Variants in PRKDC observed in about 807,000 individuals in gnomAD.
PRKDC encodes protein kinase, DNA-activated, catalytic subunit.
In PRKDC, 82 loss-of-function variants were observed where a neutral mutation model predicts 486.9. That is an observed-to-expected ratio of 0.17 (90% CI 0.14 to 0.20). PRKDC has a LOEUF of 0.20. PRKDC is among the 10% of genes least tolerant of loss of function. The pLI is 1.00. For synonymous variants in PRKDC, 1,895 were observed against 1,837.0 expected, an observed-to-expected ratio of 1.03 and a Z score of -0.81; for missense variants, 4,504 against 5,038.2, an observed-to-expected ratio of 0.89 and a Z score of 3.21.
chr8:47,808,607 T>C (rs1347419699), intron 68 of PRKDC, among the ~76,000 whole-genome samples: 3 of 152,164 alleles, frequency 2.0e-5, no homozygotes, highest in Non-Finnish European at 4.4e-5. Flanking sequence ...CCCAAGAAGC[T>C]GAAACAATAG....
intron 42 of PRKDC, 83 bp downstream of exon 42, chr8:47,863,316 T>C: frequency 8.7e-7 from 1 of 1,145,482 alleles, no homozygotes; most frequent in Non-Finnish European, 1.2e-6. Context: ...AAAATATTTA[T>C]TCACACTATA....
chr8:47,841,999 C>T (rs530863572), intron 54 of PRKDC, among the ~76,000 whole-genome samples: 2 of 152,302 alleles, frequency 1.3e-5, no homozygotes, highest in South Asian at 2.1e-4. Context: ...AGATCCCCCA[C>T]CCTTGACCTA....
At chr8:47,905,535 T>C (rs956995412) in intron 25 of PRKDC, among the ~76,000 whole-genome samples, 1 of 152,168 alleles carries the variant, frequency 6.6e-6, no homozygotes, top group Non-Finnish European at 1.5e-5. Flanking sequence ...TCAACTATTG[T>C]ACAAAGCAAA....
At chr8:47,872,419 C>A (rs1156276709) in intron 40 of PRKDC, among the ~76,000 whole-genome samples, 1 of 150,856 alleles carries the variant, frequency 6.6e-6, no homozygotes, top group Non-Finnish European at 1.5e-5. Context: ...TGGTAGAAGT[C>A]CACACTTATC....
intron 38 of PRKDC, 28 bp downstream of exon 38, chr8:47,881,388 C>T (rs1589762523): frequency 8.0e-7 from 1 of 1,257,840 alleles, no homozygotes; most frequent in East Asian, 2.4e-5. Flanking sequence ...AGAATGTAAT[C>T]CAAAAAAATA....
At position 47,834,305 on chromosome 8, in the gene PRKDC, G is replaced by C. The variant is rs200543348; in HGVS notation, c.8043C>G (p.Ala2681=). Residue 2681 remains alanine, a synonymous_variant, in exon 59 of 86, where the codon GCC becomes GCG. Transcript: ENST00000314191. ...TCTGTAACCTTTCACTCCTCTTGTG[G>C]GCAAACAGCAAGGAGTCAGATGAGG... The part of the protein sequence containing the change: ...TSPSSDSLLF[A]HKRSERLQRA... 1 of 1,614,028 alleles carries C rather than the reference G, an allele frequency of 6.2e-7. No homozygotes were observed. Among genetic ancestry groups the C allele is most frequent in the East Asian group, 2.2e-5 (1 of 44,874 alleles).
At chr8:47,959,319 G>A (rs1207591947) in intron 1 of PRKDC, 1 of 152,280 alleles carries the variant, frequency 6.6e-6, no homozygotes, top group Middle Eastern at 3.4e-3. Flanking sequence ...TCTCAAAGTA[G>A]GAACGGCAAA....
At chr8:47,888,473 C>T (rs2089383734) in intron 34 of PRKDC, 45 bp downstream of exon 34, 19 of 1,440,324 alleles carry the variant, frequency 1.3e-5, no homozygotes, top group Non-Finnish European at 1.7e-5. Flanking sequence ...CACTAATTAT[C>T]ATACTAAAGC....
chr8:47,928,297 A>G (rs1346028929), intron 19 of PRKDC, among the ~76,000 whole-genome samples: 1 of 151,212 alleles, frequency 6.6e-6, no homozygotes, highest in Non-Finnish European at 1.5e-5. Context: ...GATTACAGGC[A>G]TGTACAACCA....
intron 44 of PRKDC, 50 bp downstream of exon 44, chr8:47,862,012 T>C (rs752898039): frequency 1.2e-5 from 17 of 1,416,592 alleles, no homozygotes; most frequent in Middle Eastern, 1.8e-4. Context: ...AATATGGTTT[T>C]CTTTGTGAGC....
rs568945637 is a variant in PRKDC, at chr8:47,793,578, T to C, written c.10670+712A>G. On this transcript the variant is annotated intron_variant, in intron 74 of 85. Coordinates refer to ENST00000314191, the MANE Select transcript of PRKDC (RefSeq NM_006904.7). ...ACTGCTTAAACCTGGGAGGTGGAGG[T>C]TGCAGCCGAGATTGCACTGCACTAG... Among the ~76,000 whole-genome samples, 23 of 146,224 alleles carry C rather than the reference T, an allele frequency of 1.6e-4. No homozygotes were observed. In the East Asian group the frequency reaches 4.4e-3, roughly 28 times the overall value.
In PRKDC at chr8:47,918,275, A is replaced by G; in HGVS notation, c.2526+2T>C. 1 of 1,560,806 alleles carries G rather than the reference A, an allele frequency of 6.4e-7. No individual in the cohort carries two copies. The highest frequency in any genetic ancestry group is 8.7e-7 in the Non-Finnish European group (1 of 1,148,016). ...GTACAGAAAATACAAAGGACTTCTTACTGATGAAAGGTTCTTTGTCTTCTT... is the reference window on the plus strand; with the variant it reads ...GTACAGAAAATACAAAGGACTTCTTGCTGATGAAAGGTTCTTTGTCTTCTT... On this transcript the variant is annotated splice_donor_variant, in intron 22 of 85. Transcript: ENST00000314191. LOFTEE classifies it high-confidence loss of function.
intron 66 of PRKDC, among the ~76,000 whole-genome samples, chr8:47,820,346 C>T (rs1019939827): frequency 6.6e-6 from 1 of 152,024 alleles, no homozygotes; most frequent in Non-Finnish European, 1.5e-5. Flanking sequence ...TTGCACTCCA[C>T]TGTCTAGGCG....
rs190097603 is a variant in PRKDC at position 47,846,071 on chromosome 8, A to G, written c.7280+3083T>C. ...ATTCACCACATAAACAGAATTAAAAACAAAAGCCATATGATCATTTCAATA... is the reference window on the plus strand; with the variant it reads ...ATTCACCACATAAACAGAATTAAAAGCAAAAGCCATATGATCATTTCAATA... On this transcript the variant is annotated intron_variant, in intron 54 of 85. Transcript: ENST00000314191. Among the ~76,000 whole-genome samples the G allele has an allele frequency of 1.2e-3, 187 of 152,346 alleles. 1 individual carries two copies. Among genetic ancestry groups the G allele is most frequent in the African/African-American group, 4.4e-3 (183 of 41,588 alleles).
intron 61 of PRKDC, 133 bp from the exon 62 acceptor site, chr8:47,828,480 G>T: frequency 1.4e-6 from 1 of 701,236 alleles, no homozygotes; most frequent in Non-Finnish European, 2.3e-6. Flanking sequence ...TATTTGGAAA[G>T]ACTTAGCAGG....
At chr8:47,901,787 G>A (rs1225059932) in intron 27 of PRKDC, among the ~76,000 whole-genome samples, 1 of 152,014 alleles carries the variant, frequency 6.6e-6, no homozygotes, top group Non-Finnish European at 1.5e-5. Context: ...AGGGGTACAT[G>A]TGCAGGATGT....
chr8:47,886,611 C>T (rs963896574), intron 35 of PRKDC, among the ~76,000 whole-genome samples: 3 of 152,094 alleles, frequency 2.0e-5, no homozygotes, highest in Non-Finnish European at 2.9e-5. Flanking sequence ...AGGCTGGTCT[C>T]GAACTCCTGA....
chr8:47,808,923 G>C (rs772969628), intron 68 of PRKDC, among the ~76,000 whole-genome samples: 32 of 152,030 alleles, frequency 2.1e-4, no homozygotes, highest in Middle Eastern at 3.4e-3. Context: ...TGTATTCCCA[G>C]CTACTCAGGA....
intron 74 of PRKDC, among the ~76,000 whole-genome samples, chr8:47,792,427 T>G (rs2086897524): frequency 6.6e-6 from 1 of 151,826 alleles, no homozygotes; most frequent in Admixed American, 6.6e-5. Context: ...CCCGGCTAAT[T>G]TTTTGTATTT....
Sources: allele counts gnomAD v4.1 joint callset (sites outside exome capture counted in the v4.1 genomes callset), GRCh38; gene constraint gnomAD v4.1.1; transcripts MANE v1.5; gene names NCBI Gene and HGNC (gene_info 2026-07-23, HGNC 2026-07-21).